The following GALNT17 variants were observed in gnomAD, a reference collection of about 807,000 sequenced individuals.
GALNT17 encodes UDP-GalNAc:polypeptide N-acetylgalactosaminyltransferase-like 3.
In GALNT17, 29 loss-of-function variants were observed where a neutral mutation model predicts 63.7. The ratio of observed to expected loss-of-function variants is 0.46; its 90% CI spans 0.34 to 0.62. The LOEUF (loss-of-function observed/expected upper bound fraction) is 0.62, where lower values mean the gene tolerates loss of function less well. GALNT17 is among the 20% of genes least tolerant of loss of function. The probability of loss-of-function intolerance (pLI) is 0.01; values close to 1 mark genes in which losing one functional copy is unlikely to be tolerated. For synonymous variants in GALNT17, 305 were observed against 318.3 expected, an observed-to-expected ratio of 0.96 and a Z score of 0.45; for missense variants, 603 against 799.6, an observed-to-expected ratio of 0.75 and a Z score of 2.97.
At chr7:71,166,560 A>T (rs1788444240) in intron 1 of GALNT17, among the ~76,000 whole-genome samples, 1 of 152,218 alleles carries the variant, frequency 6.6e-6, no homozygotes, top group Admixed American at 6.5e-5. Flanking sequence ...CTGCCTCTAC[A>T]GATAAGTTTG....
chr7:71,454,409 C>T (rs1240300585), intron 5 of GALNT17, among the ~76,000 whole-genome samples: 2 of 152,154 alleles, frequency 1.3e-5, no homozygotes, highest in African/African-American at 2.4e-5. Context: ...GATCTGGTTC[C>T]TTTGTATTAT....
chr7:71,574,322 C>A (rs1789500362), intron 6 of GALNT17, among the ~76,000 whole-genome samples: 1 of 152,208 alleles, frequency 6.6e-6, no homozygotes, highest in South Asian at 2.1e-4. Flanking sequence ...CAGGCAATTT[C>A]TCCCTGGCTT....
At chr7:71,163,470 A>C (rs561163663) in intron 1 of GALNT17, among the ~76,000 whole-genome samples, 1 of 152,206 alleles carries the variant, frequency 6.6e-6, no homozygotes, top group Non-Finnish European at 1.5e-5. Context: ...AAGGAAGCAG[A>C]TTCAGAAAAT....
At position 71,682,319 on chromosome 7, in the gene GALNT17, G is replaced by C. The variant is rs1394565285; in HGVS notation, c.1500+5013G>C. Among the ~76,000 whole-genome samples the C allele has an allele frequency of 4.8e-4, 4 of 8,380 alleles. No individual in the cohort carries two copies. In the East Asian group the frequency reaches 0.036, roughly 75 times the overall value. 5.5% of individuals were successfully genotyped at this position (8,380 alleles called of 152,430 possible). ...GGCAGTGTCTGCCTTCTGTGGCCCT[G>C]TGGCCCCCCACCCTCCCCAGCATCT... On this transcript the variant is annotated intron_variant, in intron 9 of 10. Transcript: ENST00000333538.
intron 9 of GALNT17, among the ~76,000 whole-genome samples, chr7:71,704,621 G>A (rs34074787): frequency 0.14 from 20,755 of 151,814 alleles, 1,622 homozygotes; most frequent in African/African-American, 0.2. Context: ...TCTAAGACTT[G>A]CTACAAAGCT....
chr7:71,524,742 A>G (rs945040668), intron 5 of GALNT17, among the ~76,000 whole-genome samples: 1 of 152,222 alleles, frequency 6.6e-6, no homozygotes, highest in Admixed American at 6.5e-5. Context: ...TGAAATTAAC[A>G]TGGCCTTATT....
chr7:71,692,635 C>T (rs1791471933), intron 9 of GALNT17, among the ~76,000 whole-genome samples: 1 of 152,080 alleles, frequency 6.6e-6, no homozygotes, highest in Non-Finnish European at 1.5e-5. Flanking sequence ...GAGATATGTA[C>T]ACACACATAC....
intron 4 of GALNT17, among the ~76,000 whole-genome samples, chr7:71,420,361 A>G (rs1786639154): frequency 6.6e-6 from 1 of 152,126 alleles, no homozygotes; most frequent in Admixed American, 6.5e-5. Flanking sequence ...AATCAATTAA[A>G]TCATCAATTA....
chr7:71,678,136 A>AT (rs1026166908), intron 9 of GALNT17, among the ~76,000 whole-genome samples: 6 of 150,358 alleles, frequency 4.0e-5, no homozygotes, highest in Non-Finnish European at 8.8e-5. Flanking sequence ...TTATCTGTTT[A>AT]TTTTTTTAGA....
intron 1 of GALNT17, among the ~76,000 whole-genome samples, chr7:71,146,009 A>G (rs1357351721): frequency 4.6e-5 from 7 of 151,826 alleles, no homozygotes; most frequent in Admixed American, 2.6e-4. Flanking sequence ...CGGGGCCCGT[A>G]TGGGTTTTTT....
At chr7:71,478,360 A>G (rs187776706) in intron 5 of GALNT17, among the ~76,000 whole-genome samples, 318 of 152,162 alleles carry the variant, frequency 2.1e-3, no homozygotes, top group African/African-American at 6.7e-3. Context: ...TACCCGAGCT[A>G]GAGTGCAGTG....
intron 1 of GALNT17, among the ~76,000 whole-genome samples, chr7:71,152,445 T>A (rs185846981): frequency 6.6e-6 from 1 of 152,294 alleles, no homozygotes; most frequent in African/African-American, 2.4e-5. Flanking sequence ...TCATCCTCTT[T>A]ACAAGATCTC....
chr7:71,187,879 A>G (rs1585867513), intron 1 of GALNT17, among the ~76,000 whole-genome samples: 1 of 152,118 alleles, frequency 6.6e-6, no homozygotes, highest in African/African-American at 2.4e-5. Context: ...TAGTCTTCCC[A>G]CCCTTTCCAC....
intron 9 of GALNT17, among the ~76,000 whole-genome samples, chr7:71,679,836 T>A (rs953148915): frequency 1.3e-5 from 2 of 151,962 alleles, no homozygotes; most frequent in Non-Finnish European, 2.9e-5. Flanking sequence ...AGATCTCCGG[T>A]GGGGTCTGAG....
chr7:71,293,975 C>T lies in GALNT17; in HGVS notation c.239-41575C>T, dbSNP rs571350135. Among the ~76,000 whole-genome samples, 25 of 152,094 alleles carry T rather than the reference C, an allele frequency of 1.6e-4. No individual in the cohort carries two copies. In the South Asian group the frequency reaches 1.7e-3, roughly 10 times the overall value. On this transcript the variant is annotated intron_variant, in intron 1 of 10. Transcript: ENST00000333538. ...GAGATGGAGACCATCCTGGCTAACA[C>T]GGTAAAACCCCGTCTCTACTAAAAA...
chr7:71,291,212 C>T (rs1433168052), intron 1 of GALNT17, among the ~76,000 whole-genome samples: 2 of 152,134 alleles, frequency 1.3e-5, no homozygotes, highest in South Asian at 2.1e-4. Flanking sequence ...ATAGCAGAGT[C>T]GTTAATTTGT....
At chr7:71,653,010 GT>G (rs1790776114) in intron 6 of GALNT17, among the ~76,000 whole-genome samples, 1 of 5,166 alleles carries the variant, frequency 1.9e-4, no homozygotes, top group Non-Finnish European at 2.9e-3. Context: ...TTGTTTGTTT[GT>G]GTTTGTTTTT....
chr7:71,139,937 T>C (rs1448066799), intron 1 of GALNT17, among the ~76,000 whole-genome samples: 2 of 152,270 alleles, frequency 1.3e-5, no homozygotes, highest in South Asian at 2.1e-4. Context: ...GAGGCTGCAG[T>C]GAGCAGAGAT....
chr7:71,476,065 T>C (rs1311901014), intron 5 of GALNT17, among the ~76,000 whole-genome samples: 1 of 152,212 alleles, frequency 6.6e-6, no homozygotes, highest in Non-Finnish European at 1.5e-5. Context: ...CTTGTTCTTT[T>C]CACTTGATGG....
Sources: gnomAD v4.1 joint callset for allele counts (sites outside exome capture counted in the v4.1 genomes callset) on GRCh38, gnomAD v4.1.1 for gene constraint, MANE v1.5 for transcripts, NCBI Gene and HGNC (gene_info 2026-07-23, HGNC 2026-07-21) for gene names.